Variants in C2CD2 observed in about 807,000 individuals in gnomAD.
C2CD2 encodes the protein C2 calcium dependent domain containing 2, also known as C2 domain-containing protein 2.
C2CD2 carries 43 observed loss-of-function variants against 74.3 expected under a neutral mutation model. The ratio of observed to expected loss-of-function variants is 0.58; its 90% CI spans 0.45 to 0.75. C2CD2 has a LOEUF of 0.75. Among genes scored for constraint, C2CD2 ranks in the 30% least tolerant of loss-of-function variants. The pLI is 0.00. For synonymous variants in C2CD2, 422 were observed against 390.7 expected (o/e 1.08, Z -0.94); for missense variants, 801 against 916.3 (o/e 0.87, Z 1.63).
At chr21:41,949,696 T>C (rs971751214) in intron 1 of C2CD2, among the ~76,000 whole-genome samples, 1 of 152,262 alleles carries the variant, frequency 6.6e-6, no homozygotes, top group African/African-American at 2.4e-5. Context: ...CACACATGTT[T>C]ATTGCAGCAT....
chr21:41,929,610 G>C lies in C2CD2; in HGVS notation c.379-7525C>G, dbSNP rs906290053. Reference sequence around the variant, plus strand: ...TTATTTAAAACTTTCAGTTCCAGCTGATGGTTATACCATTGGGAGCCTCCA... The same window carrying C: ...TTATTTAAAACTTTCAGTTCCAGCTCATGGTTATACCATTGGGAGCCTCCA... On this transcript the variant is annotated intron_variant, in intron 2 of 13. Coordinates refer to ENST00000380486, the MANE Select transcript of C2CD2 (RefSeq NM_015500.2). The surrounding 1 kb of genome is among the most constrained non-coding windows in gnomAD (Gnocchi z 4.6). Among the ~76,000 whole-genome samples the C allele has an allele frequency of 6.6e-6, 1 of 152,230 alleles. No individual in the cohort carries two copies. The highest frequency in any genetic ancestry group is 1.5e-5 in the Non-Finnish European group (1 of 68,038).
rs1418134249 is a variant in C2CD2, at chr21:41,885,832, AC to A, written c.*3291del. 1.1e-4 allele frequency: 16 copies of A among 152,364 alleles called. No homozygotes were observed. The highest frequency in any genetic ancestry group is 2.4e-4 in the Non-Finnish European group (16 of 68,054). The allele number at this position is 152,364 out of a possible 1,614,324, so 9.4% of individuals were successfully genotyped here. A position where few individuals can be genotyped will look rare whatever the true frequency, so the allele number is the denominator to read the frequency against. On this transcript the variant is annotated 3_prime_UTR_variant, in exon 14 of 14. Coordinates refer to ENST00000380486, the MANE Select transcript of C2CD2 (RefSeq NM_015500.2). ...AACCCAAGCAAAAATCTAAACGGGC[AC>A]CAGGTGGCCACTGAGTGGCGACTGG...
chr21:41,938,969 C>T (rs1319168025), intron 2 of C2CD2, among the ~76,000 whole-genome samples: 1 of 152,112 alleles, frequency 6.6e-6, no homozygotes, highest in Non-Finnish European at 1.5e-5. Context: ...GTCTCGAACT[C>T]CTGACCTCAT....
Position 41,923,670 on chromosome 21 carries a change from A to T in C2CD2, c.379-1585T>A, listed in dbSNP as rs749602795. ...GAGAAAGATAATAACCTCAGGAATA[A>T]ACCAAACTGTGGTTTCCTGACATAA... On this transcript the variant is annotated intron_variant, in intron 2 of 13. Coordinates refer to ENST00000380486, the MANE Select transcript of C2CD2 (RefSeq NM_015500.2). This position sits in a 1 kb window ranked among gnomAD's most constrained non-coding sequence, Gnocchi z 5.8. 6.6e-6 allele frequency among the ~76,000 whole-genome samples: 1 copy of T among 152,236 alleles called. No individual in the cohort carries two copies. The highest frequency in any genetic ancestry group is 1.5e-5 in the Non-Finnish European group (1 of 68,038).
intron 4 of C2CD2, among the ~76,000 whole-genome samples, chr21:41,918,568 T>C (rs1338573949): frequency 1.3e-5 from 2 of 150,900 alleles, no homozygotes; most frequent in Non-Finnish European, 1.5e-5. Flanking sequence ...GCATCTTGGG[T>C]GGGGCAGGGA....
chr21:41,924,311 G>C lies in C2CD2; in HGVS notation c.379-2226C>G, dbSNP rs985086001. Among the ~76,000 whole-genome samples, 50 of 152,212 alleles carry C rather than the reference G, an allele frequency of 3.3e-4. No homozygotes were observed. Among genetic ancestry groups the C allele is most frequent in the African/African-American group, 1.1e-3 (47 of 41,536 alleles). ...AACAAAAACGGAACCTGGGCACTAA[G>C]GCCCGGGCAGGGGTCAACATCCAAT... is the stretch of plus-strand genomic sequence containing the variant. On this transcript the variant is annotated intron_variant, in intron 2 of 13. Coordinates refer to ENST00000380486, the MANE Select transcript of C2CD2 (RefSeq NM_015500.2). This position sits in a 1 kb window ranked among gnomAD's most constrained non-coding sequence, Gnocchi z 4.4.
chr21:41,913,598 CA>C (rs768629182), intron 6 of C2CD2, among the ~76,000 whole-genome samples: 55 of 152,232 alleles, frequency 3.6e-4, no homozygotes, highest in Non-Finnish European at 6.9e-4. Context: ...GCACTTTTAC[CA>C]AAAAACATCC....
intron 1 of C2CD2, among the ~76,000 whole-genome samples, chr21:41,943,639 G>C (rs2065374100): frequency 6.6e-6 from 1 of 152,202 alleles, no homozygotes; most frequent in Admixed American, 6.5e-5. Flanking sequence ...GGGTGGGAGA[G>C]GGGAAGCGGT....
Position 41,914,611 on chromosome 21 carries a change from C to T in C2CD2, c.831G>A (p.Glu277=). ...VRNIHVLLLS[E]PGASGHINAV... is the part of the protein sequence containing the mutation. ...ATCGTCACCCACCTGAGGCACCGGG[C>T]TCGCTGAGCAGCAAGACGTGGATGT... is the stretch of plus-strand genomic sequence containing the variant. The change falls in exon 6 of 14, where the codon GAG becomes GAA. Residue 277 remains glutamate, a synonymous_variant. Coordinates refer to ENST00000380486, the MANE Select transcript of C2CD2 (RefSeq NM_015500.2). The T allele has an allele frequency of 6.2e-7, 1 of 1,613,570 alleles. No homozygotes were observed. The highest frequency in any genetic ancestry group is 2.2e-5 in the East Asian group (1 of 44,870).
chr21:41,931,062 C>T (rs951956059), intron 2 of C2CD2, among the ~76,000 whole-genome samples: 5 of 150,576 alleles, frequency 3.3e-5, no homozygotes, highest in African/African-American at 1.2e-4. Context: ...ACTTGTTACT[C>T]TTGTGTAAGA....
At position 41,893,417 on chromosome 21, in the gene C2CD2, T is replaced by C. The variant is rs1421973767; in HGVS notation, c.1871-4073A>G. Reference sequence around the variant, plus strand: ...TAAAAACTGCCTAAAATTCTAATTCTTGGCATATTAAGATGAAATAGCAAG... The same window carrying C: ...TAAAAACTGCCTAAAATTCTAATTCCTGGCATATTAAGATGAAATAGCAAG... On this transcript the variant is annotated intron_variant, in intron 13 of 13. Transcript: ENST00000380486. 2.0e-5 allele frequency among the ~76,000 whole-genome samples: 3 copies of C among 152,234 alleles called. No individual in the cohort carries two copies. In the East Asian group the frequency reaches 5.8e-4, roughly 29 times the overall value.
At chr21:41,930,823 C>T (rs1467231675) in intron 2 of C2CD2, among the ~76,000 whole-genome samples, 1 of 150,366 alleles carries the variant, frequency 6.7e-6, no homozygotes, top group Non-Finnish European at 1.5e-5. Flanking sequence ...TTCCTAAGCC[C>T]TGATTCACAT....
chr21:41,904,353 C>T (rs1225746252), intron 11 of C2CD2, among the ~76,000 whole-genome samples: 1 of 152,122 alleles, frequency 6.6e-6, no homozygotes, highest in East Asian at 1.9e-4. Context: ...GTGAATAATC[C>T]ACCACTTGTT....
intron 1 of C2CD2, among the ~76,000 whole-genome samples, chr21:41,951,001 G>T (rs1288028283): frequency 6.6e-6 from 1 of 152,160 alleles, no homozygotes; most frequent in African/African-American, 2.4e-5. Context: ...AGGCGAGAGC[G>T]GGCTTGGAGT....
rs1026951835 is a variant in C2CD2 at position 41,931,524 on chromosome 21, G to A, written c.379-9439C>T. Among the ~76,000 whole-genome samples, 3 of 146,796 alleles carry A rather than the reference G, an allele frequency of 2.0e-5. 1 individual carries two copies. The highest frequency in any genetic ancestry group is 4.5e-5 in the Non-Finnish European group (3 of 66,178). On this transcript the variant is annotated intron_variant, in intron 2 of 13. Transcript: ENST00000380486. ...TGCAACCTCTGCTTCCCAGATTCAA[G>A]CAATTCCCCTGCCTCAGCCTCCCAA...
At chr21:41,910,698 A>G (rs939334709) in intron 7 of C2CD2, among the ~76,000 whole-genome samples, 1 of 152,156 alleles carries the variant, frequency 6.6e-6, no homozygotes, top group African/African-American at 2.4e-5. Flanking sequence ...CTATACACAC[A>G]CACACACACG....
chr21:41,924,775 T>A lies in C2CD2; in HGVS notation c.379-2690A>T, dbSNP rs2065191134. On this transcript the variant is annotated intron_variant, in intron 2 of 13. Coordinates refer to ENST00000380486, the MANE Select transcript of C2CD2 (RefSeq NM_015500.2). This position sits in a 1 kb window ranked among gnomAD's most constrained non-coding sequence, Gnocchi z 4.4. ...ATAATTCCTCTGGAGCCTTCTCTAC[T>A]AAGCTAATCAGCATTGTACCAAGAA... 6.6e-6 allele frequency among the ~76,000 whole-genome samples: 1 copy of A among 152,198 alleles called. No homozygotes were observed. The highest frequency in any genetic ancestry group is 6.5e-5 in the Admixed American group (1 of 15,276).
chr21:41,949,534 T>C (rs149001076), intron 1 of C2CD2, among the ~76,000 whole-genome samples: 2 of 152,326 alleles, frequency 1.3e-5, no homozygotes, highest in African/African-American at 2.4e-5. Flanking sequence ...CTATTTACAC[T>C]GTTGGTGGGA....
intron 3 of C2CD2, among the ~76,000 whole-genome samples, chr21:41,919,223 G>C (rs1363313149): frequency 6.6e-6 from 1 of 152,080 alleles, no homozygotes; most frequent in Non-Finnish European, 1.5e-5. Context: ...AGCGTGTGCG[G>C]AAGTGTGCAT....
Sources: allele counts gnomAD v4.1 joint callset (sites outside exome capture counted in the v4.1 genomes callset), GRCh38; gene constraint gnomAD v4.1.1; non-coding constraint Gnocchi (gnomAD v3.1); transcripts MANE v1.5; gene names NCBI Gene and HGNC (gene_info 2026-07-23, HGNC 2026-07-21).